SEMA3E: variants seen among roughly 807,000 people sequenced by gnomAD.
The protein encoded by SEMA3E is semaphorin 3E.
A neutral mutation model predicts 93.6 loss-of-function variants in SEMA3E; 49 were observed. The observed-to-expected ratio is 0.52, with a 90% CI of 0.42 to 0.66. The LOEUF (loss-of-function observed/expected upper bound fraction) is 0.66, where lower values mean the gene tolerates loss of function less well. Ranked by LOEUF, SEMA3E falls within the 30% of genes least tolerant of loss-of-function variation. The pLI, the probability that SEMA3E is intolerant of heterozygous loss-of-function variation, is 0.00. For synonymous variants in SEMA3E, 363 were observed against 330.7 expected (o/e 1.10, Z -1.06); for missense variants, 906 against 964.8 (o/e 0.94, Z 0.81).
At chr7:83,456,178 G>T (rs1194009112) in intron 4 of SEMA3E, among the ~76,000 whole-genome samples, 1 of 152,170 alleles carries the variant, frequency 6.6e-6, no homozygotes. Flanking sequence ...TTTTAATTTT[G>T]CAAGAGTTCA....
rs746511825 is a variant in SEMA3E at position 83,415,123 on chromosome 7, CA to C, written c.550+3266del. Among the ~76,000 whole-genome samples the C allele has an allele frequency of 1.5e-3, 235 of 152,130 alleles. 1 individual carries two copies. In the Middle Eastern group the frequency reaches 0.024, roughly 15 times the overall value. On this transcript the variant is annotated intron_variant, in intron 5 of 16. Transcript: ENST00000643230. ...CTTACCAAACTTAATAATTTAGTAG[CA>C]AGATAATTACTAAGTATATTTGGAT...
intron 1 of SEMA3E, among the ~76,000 whole-genome samples, chr7:83,640,926 A>G (rs1040666271): frequency 4.6e-5 from 7 of 152,132 alleles, no homozygotes; most frequent in African/African-American, 1.7e-4. Flanking sequence ...AGATAGAAGG[A>G]GGAGGAGGAG....
chr7:83,372,190 A>G lies in SEMA3E; in HGVS notation c.1876-4152T>C, dbSNP rs1413367757. 3.5e-5 allele frequency: 14 copies of G among 397,726 alleles called. No individual in the cohort carries two copies. In the East Asian group the frequency reaches 3.9e-4, roughly 11 times the overall value. 24.6% of individuals were successfully genotyped at this position (397,726 alleles called of 1,614,324 possible). A position where few individuals can be genotyped will look rare whatever the true frequency, so the allele number is the denominator to read the frequency against. On this transcript the variant is annotated intron_variant, in intron 16 of 16. Transcript: ENST00000643230. The stretch of plus-strand genomic sequence containing the variant: ...TAAAAACTTCCAGGTAAATCCAATA[A>G]TAATTTGAATAAGAAGGAGCAAACA...
intron 1 of SEMA3E, among the ~76,000 whole-genome samples, chr7:83,542,688 C>T (rs1791561661): frequency 1.3e-5 from 2 of 152,098 alleles, no homozygotes; most frequent in Admixed American, 1.3e-4. Context: ...AATTTTGTGG[C>T]TAACACAGAT....
intron 1 of SEMA3E, among the ~76,000 whole-genome samples, chr7:83,517,191 C>T (rs1790946292): frequency 6.6e-6 from 1 of 152,114 alleles, no homozygotes; most frequent in Non-Finnish European, 1.5e-5. Context: ...AGCCTTGATG[C>T]TCCAAATCAT....
intron 4 of SEMA3E, among the ~76,000 whole-genome samples, chr7:83,464,186 T>G (rs1365140310): frequency 6.6e-6 from 1 of 151,974 alleles, no homozygotes; most frequent in Non-Finnish European, 1.5e-5. Context: ...ACTAAAGGTC[T>G]TTTAAAAACA....
At chr7:83,643,258 T>C (rs1584383503) in intron 1 of SEMA3E, among the ~76,000 whole-genome samples, 1 of 151,984 alleles carries the variant, frequency 6.6e-6, no homozygotes, top group African/African-American at 2.4e-5. Context: ...AACAACAATA[T>C]GACAACATAA....
chr7:83,442,007 G>A (rs918252488), intron 4 of SEMA3E, among the ~76,000 whole-genome samples: 1 of 152,146 alleles, frequency 6.6e-6, no homozygotes, highest in Non-Finnish European at 1.5e-5. Context: ...ATAAATGAAT[G>A]AAGCAACATG....
At chr7:83,422,433 A>ACTTT (rs1044724313) in intron 4 of SEMA3E, among the ~76,000 whole-genome samples, 4 of 152,152 alleles carry the variant, frequency 2.6e-5, no homozygotes, top group Non-Finnish European at 5.9e-5. Flanking sequence ...CCCAGCTAAC[A>ACTTT]CTTTCACTGA....
chr7:83,406,137 A>T (rs1279393664), intron 7 of SEMA3E, 78 bp from the exon 8 acceptor site: 1 of 1,012,140 alleles, frequency 9.9e-7, no homozygotes, highest in Admixed American at 1.7e-5. Flanking sequence ...TTAAACATGC[A>T]GTTGCCAAGA....
At chr7:83,437,124 G>A (rs1789021098) in intron 4 of SEMA3E, among the ~76,000 whole-genome samples, 1 of 152,118 alleles carries the variant, frequency 6.6e-6, no homozygotes, top group Admixed American at 6.6e-5. Context: ...AATTCAAGAT[G>A]AGATTTGGGT....
chr7:83,442,612 C>CG (rs1180035274), intron 4 of SEMA3E, among the ~76,000 whole-genome samples: 4 of 152,198 alleles, frequency 2.6e-5, no homozygotes, highest in African/African-American at 9.6e-5. Context: ...CTTTTTTCTA[C>CG]GTTTGCTAAA....
chr7:83,617,747 C>T (rs1189029578), intron 1 of SEMA3E, among the ~76,000 whole-genome samples: 2 of 150,648 alleles, frequency 1.3e-5, no homozygotes, highest in Admixed American at 6.7e-5. Flanking sequence ...ACTCATGTGC[C>T]AGATGCTGAT....
At chr7:83,437,353 A>G (rs1420105697) in intron 4 of SEMA3E, among the ~76,000 whole-genome samples, 2 of 152,184 alleles carry the variant, frequency 1.3e-5, no homozygotes, top group East Asian at 3.8e-4. Context: ...ATTAAAAAAC[A>G]TTAAAAGTTT....
intron 4 of SEMA3E, among the ~76,000 whole-genome samples, chr7:83,440,076 G>C (rs1789081905): frequency 6.6e-6 from 1 of 151,782 alleles, no homozygotes; most frequent in Non-Finnish European, 1.5e-5. Flanking sequence ...GATACAAAAT[G>C]TTTTTTTTCT....
At chr7:83,581,525 G>A (rs1792517617) in intron 1 of SEMA3E, among the ~76,000 whole-genome samples, 1 of 151,916 alleles carries the variant, frequency 6.6e-6, no homozygotes, top group Admixed American at 6.6e-5. Context: ...CTGGTATATA[G>A]CATTTTAAAC....
At chr7:83,602,007 A>G (rs754952014) in intron 1 of SEMA3E, among the ~76,000 whole-genome samples, 6 of 152,196 alleles carry the variant, frequency 3.9e-5, no homozygotes, top group Non-Finnish European at 8.8e-5. Context: ...TAAGAGTTCA[A>G]TAAATGGCAG....
intron 4 of SEMA3E, among the ~76,000 whole-genome samples, chr7:83,430,656 C>T (rs1241048354): frequency 6.6e-6 from 1 of 151,980 alleles, no homozygotes; most frequent in African/African-American, 2.4e-5. Flanking sequence ...GGGAGGGGAA[C>T]ATCACACACC....
chr7:83,583,382 G>A (rs1792554697), intron 1 of SEMA3E, among the ~76,000 whole-genome samples: 1 of 152,090 alleles, frequency 6.6e-6, no homozygotes. Flanking sequence ...TTCAAGATGT[G>A]AGTGGATGTT....
Sources: gnomAD v4.1 joint callset for allele counts (sites outside exome capture counted in the v4.1 genomes callset) on GRCh38, gnomAD v4.1.1 for gene constraint, MANE v1.5 for transcripts, NCBI Gene and HGNC (gene_info 2026-07-23, HGNC 2026-07-21) for gene names.